Variants in KLHL20 observed in about 807,000 individuals in gnomAD.
KLHL20 encodes kelch like family member 20, also known as kelch-like protein 20.
A neutral mutation model predicts 69.5 loss-of-function variants in KLHL20; 29 were observed. The observed-to-expected ratio is 0.42, with a 90% CI of 0.31 to 0.57. The LOEUF (loss-of-function observed/expected upper bound fraction) is 0.57. KLHL20 is among the 20% of genes least tolerant of loss of function. The probability of loss-of-function intolerance (pLI) is 0.18; values close to 1 mark genes in which losing one functional copy is unlikely to be tolerated. For synonymous variants in KLHL20, 253 were observed against 265.2 expected (o/e 0.95, Z 0.45); for missense variants, 419 against 776.0 (o/e 0.54, Z 5.47).
chr1:173,776,100 T>C (rs965732168), intron 10 of KLHL20, among the ~76,000 whole-genome samples: 3 of 152,230 alleles, frequency 2.0e-5, no homozygotes, highest in African/African-American at 4.8e-5. Flanking sequence ...GCAATCGTTA[T>C]GGCCTGACTT....
chr1:173,772,517 C>A (rs1223141684), intron 8 of KLHL20, among the ~76,000 whole-genome samples: 2 of 152,204 alleles, frequency 1.3e-5, no homozygotes, highest in East Asian at 3.9e-4. Context: ...ATGAAGTGAA[C>A]ATATATCCTG....
chr1:173,731,564 G>T (rs1049955268), intron 2 of KLHL20, among the ~76,000 whole-genome samples: 5 of 152,136 alleles, frequency 3.3e-5, no homozygotes, highest in Admixed American at 2.6e-4. Flanking sequence ...CATGTCCTTT[G>T]TATGGACATG....
intron 3 of KLHL20, among the ~76,000 whole-genome samples, chr1:173,735,877 T>TCA (rs1672509124): frequency 6.6e-6 from 1 of 150,836 alleles, no homozygotes; most frequent in Non-Finnish European, 1.5e-5. Flanking sequence ...CTGAGTTACA[T>TCA]CACTTAGAAT....
chr1:173,749,925 C>T (rs1483813598), intron 3 of KLHL20, among the ~76,000 whole-genome samples: 3 of 152,132 alleles, frequency 2.0e-5, no homozygotes, highest in Admixed American at 6.6e-5. Flanking sequence ...CCAAATTTAG[C>T]GCTGGACTTT....
At chr1:173,763,696 G>A (rs966493465) in intron 7 of KLHL20, among the ~76,000 whole-genome samples, 16 of 152,012 alleles carry the variant, frequency 1.1e-4, no homozygotes, top group African/African-American at 3.4e-4. Flanking sequence ...GTAAGAAAAC[G>A]AAACTGGATC....
chr1:173,760,809 T>A (rs1647241681), intron 7 of KLHL20, among the ~76,000 whole-genome samples: 1 of 151,992 alleles, frequency 6.6e-6, no homozygotes, highest in Non-Finnish European at 1.5e-5. Flanking sequence ...AAAATACAAG[T>A]TAAAAAGCAA....
intron 3 of KLHL20, among the ~76,000 whole-genome samples, chr1:173,737,427 T>C (rs747105186): frequency 1.3e-5 from 2 of 152,258 alleles, no homozygotes; most frequent in Non-Finnish European, 2.9e-5. Flanking sequence ...TTCAGTTTCA[T>C]TCTTCTACAT....
intron 8 of KLHL20, among the ~76,000 whole-genome samples, chr1:173,771,298 G>T (rs1177610999): frequency 6.6e-6 from 1 of 152,226 alleles, no homozygotes; most frequent in African/African-American, 2.4e-5. Flanking sequence ...CAGCACTTTG[G>T]TAAGCCAAGG....
At chr1:173,752,734 C>G (rs188992948) in intron 4 of KLHL20, among the ~76,000 whole-genome samples, 1 of 152,314 alleles carries the variant, frequency 6.6e-6, no homozygotes, top group East Asian at 1.9e-4. Context: ...TAATGTCTTG[C>G]TGAACGTTTT....
At chr1:173,732,585 A>G (rs115912787) in intron 2 of KLHL20, among the ~76,000 whole-genome samples, 1,816 of 152,274 alleles carry the variant, frequency 0.012, 46 homozygotes, top group African/African-American at 0.042. Context: ...GTTACTTTCT[A>G]TTTCATTTTT....
chr1:173,720,186 TAAG>T (rs1671652644), intron 2 of KLHL20, among the ~76,000 whole-genome samples: 1 of 152,046 alleles, frequency 6.6e-6, no homozygotes, highest in African/African-American at 2.4e-5. Flanking sequence ...GATGTAAACT[TAAG>T]AGGAGGGAAC....
intron 8 of KLHL20, 55 bp from the exon 9 acceptor site, chr1:173,774,250 G>A: frequency 6.2e-7 from 1 of 1,608,254 alleles, no homozygotes; most frequent in Non-Finnish European, 8.5e-7. Context: ...CAGATCTTAT[G>A]AAAAAGGCTT....
chr1:173,715,946 G>A, intron 1 of KLHL20, 57 bp from the exon 2 acceptor site: 4 of 1,212,592 alleles, frequency 3.3e-6, no homozygotes, highest in Non-Finnish European at 3.6e-6. Flanking sequence ...TATAAAGATT[G>A]TTACTGTAAA....
Position 173,734,260 on chromosome 1 carries a change from A to G in KLHL20, c.571A>G (p.Lys191Glu). Residue 191 changes from lysine (K) to glutamate (E), a missense_variant, in exon 3 of 12, where the codon AAG becomes GAG. Transcript: ENST00000209884. Reference sequence around the variant, plus strand: ...TCGTGAGTTGCTAAGGATAGCAGACAAGTTCACCCAACATAACTTTCAAGA... The same window carrying G: ...TCGTGAGTTGCTAAGGATAGCAGACGAGTTCACCCAACATAACTTTCAAGA... ...SCRELLRIAD[K>E]FTQHNFQEVM... 1 of 1,614,216 alleles carries G rather than the reference A, an allele frequency of 6.2e-7. No homozygotes were observed. The highest frequency in any genetic ancestry group is 8.5e-7 in the Non-Finnish European group (1 of 1,180,018).
intron 3 of KLHL20, among the ~76,000 whole-genome samples, chr1:173,745,548 A>G (rs9970633): frequency 0.09 from 13,712 of 152,146 alleles, 2,004 homozygotes; most frequent in African/African-American, 0.31. Flanking sequence ...TCTAACTGGT[A>G]ATCATTAATG....
intron 7 of KLHL20, among the ~76,000 whole-genome samples, chr1:173,760,175 A>G (rs1673735922): frequency 6.6e-6 from 1 of 152,174 alleles, no homozygotes; most frequent in South Asian, 2.1e-4. Context: ...AGACAAAGAA[A>G]AAAGAATAAG....
rs1055499316 is a variant in KLHL20 at position 173,715,983 on chromosome 1, C to A, written c.-41-20C>A. On this transcript the variant is annotated intron_variant, in intron 1 of 11. Coordinates refer to ENST00000209884, the MANE Select transcript of KLHL20 (RefSeq NM_014458.4). ...ATCAGAAATAGCTTTTATTAAGTTC[C>A]TGCTTTTCTGTTGTCTTAGGTTCGG... 16 of 1,535,268 alleles carry A rather than the reference C, an allele frequency of 1.0e-5. No homozygotes were observed. The African/African-American group carries it at 2.2e-4, about 21-fold the overall frequency.
intron 8 of KLHL20, among the ~76,000 whole-genome samples, chr1:173,771,901 ATTCTG>A (rs1431129976): frequency 2.0e-5 from 3 of 152,210 alleles, no homozygotes; most frequent in East Asian, 3.8e-4. Context: ...TAATATTGCT[ATTCTG>A]TTATGTGTAT....
chr1:173,746,866 ATTC>A (rs1313526442), intron 3 of KLHL20, among the ~76,000 whole-genome samples: 2 of 151,948 alleles, frequency 1.3e-5, no homozygotes, highest in East Asian at 1.9e-4. Flanking sequence ...ATTTAAAGCT[ATTC>A]TTCTCGGATC....
Sources: allele counts gnomAD v4.1 joint callset (sites outside exome capture counted in the v4.1 genomes callset), GRCh38; gene constraint gnomAD v4.1.1; transcripts MANE v1.5; gene names NCBI Gene and HGNC (gene_info 2026-07-23, HGNC 2026-07-21).